Variants in ULK4 observed in about 807,000 individuals in gnomAD.
The protein encoded by ULK4 is inactive serine/threonine-protein kinase ULK4.
In ULK4, 133 loss-of-function variants were observed where a neutral mutation model predicts 160.6. The observed-to-expected ratio is 0.83, with a 90% confidence interval of 0.72 to 0.96. The LOEUF (loss-of-function observed/expected upper bound fraction) is 0.96. Among genes scored for constraint, ULK4 ranks in the 40% least tolerant of loss-of-function variants. The pLI, the probability that ULK4 is intolerant of heterozygous loss-of-function variation, is 0.00. For synonymous variants in ULK4, 534 were observed against 539.8 expected, an observed-to-expected ratio of 0.99 and a Z score of 0.15; for missense variants, 1,580 against 1,499.5, an observed-to-expected ratio of 1.05 and a Z score of -0.89.
chr3:41,291,333 AAAG>A (rs2125702907), intron 35 of ULK4, among the ~76,000 whole-genome samples: 1 of 151,218 alleles, frequency 6.6e-6, no homozygotes, highest in South Asian at 2.1e-4. Flanking sequence ...AAAGAAAGAG[AAAG>A]AAGGAAGGAA....
chr3:41,645,142 C>T (rs2034423522), intron 30 of ULK4, among the ~76,000 whole-genome samples: 1 of 151,934 alleles, frequency 6.6e-6, no homozygotes, highest in African/African-American at 2.4e-5. Flanking sequence ...TTCAAAAAAC[C>T]AGCTCCTGGA....
At position 41,583,984 on chromosome 3, in the gene ULK4, G is replaced by C. The variant is rs73830268; in HGVS notation, c.3121-17854C>G. Reference sequence around the variant, plus strand: ...TAAAGATTCTTTCCAAAACCTATTTGCTTCCAAAAAGTGTCATGATGAGAA... The same window carrying C: ...TAAAGATTCTTTCCAAAACCTATTTCCTTCCAAAAAGTGTCATGATGAGAA... On this transcript the variant is annotated intron_variant, in intron 31 of 36. Transcript: ENST00000301831. Among the ~76,000 whole-genome samples the C allele has an allele frequency of 3.3e-3, 509 of 152,290 alleles. 3 individuals are homozygous for C. The highest frequency in any genetic ancestry group is 0.012 in the African/African-American group (486 of 41,584).
chr3:41,704,307 G>A (rs2036789254), intron 27 of ULK4, among the ~76,000 whole-genome samples: 1 of 152,182 alleles, frequency 6.6e-6, no homozygotes, highest in Non-Finnish European at 1.5e-5. Flanking sequence ...CAGTGCTTCA[G>A]TGAGAGGGGC....
At chr3:41,580,285 C>T (rs116813887) in intron 31 of ULK4, among the ~76,000 whole-genome samples, 3,552 of 152,194 alleles carry the variant, frequency 0.023, 56 homozygotes, top group Non-Finnish European at 0.034. Context: ...CATCATTCTG[C>T]ACCATTCTGA....
At chr3:41,406,344 A>G (rs191652493) in intron 34 of ULK4, among the ~76,000 whole-genome samples, 166 of 152,354 alleles carry the variant, frequency 1.1e-3, no homozygotes, top group African/African-American at 3.9e-3. Context: ...TTTCTCTAAC[A>G]GTACCATGCT....
At chr3:41,705,502 C>T (rs940871992) in intron 25 of ULK4, among the ~76,000 whole-genome samples, 197 bp from the exon 26 acceptor site, 10 of 146,076 alleles carry the variant, frequency 6.8e-5, no homozygotes, top group African/African-American at 1.0e-4. Flanking sequence ...ACAATAATCT[C>T]TTTTTTTTTT....
intron 34 of ULK4, among the ~76,000 whole-genome samples, chr3:41,437,714 G>A (rs2083067970): frequency 6.6e-6 from 1 of 152,192 alleles, no homozygotes; most frequent in Non-Finnish European, 1.5e-5. Flanking sequence ...TGTCATCACT[G>A]ACTTGCCAGA....
At chr3:41,924,499 A>C (rs925235087) in intron 5 of ULK4, among the ~76,000 whole-genome samples, 1 of 152,192 alleles carries the variant, frequency 6.6e-6, no homozygotes, top group Non-Finnish European at 1.5e-5. Flanking sequence ...CACTGCTAGA[A>C]TGTCTGACCT....
chr3:41,848,428 C>A (rs28702390), intron 17 of ULK4, among the ~76,000 whole-genome samples: 27,754 of 152,144 alleles, frequency 0.18, 2,616 homozygotes, highest in Middle Eastern at 0.32. Flanking sequence ...CTTAACACCA[C>A]TCAACTTCCT....
Position 41,818,884 on chromosome 3 carries a change from G to T in ULK4, c.1848+539C>A, listed in dbSNP as rs571323937. Among the ~76,000 whole-genome samples the T allele has an allele frequency of 3.3e-5, 5 of 152,340 alleles. No homozygotes were observed. In the East Asian group the frequency reaches 9.6e-4, roughly 29 times the overall value. On this transcript the variant is annotated intron_variant, in intron 19 of 36. Coordinates refer to ENST00000301831, the MANE Select transcript of ULK4 (RefSeq NM_017886.4). ...GTGGGAGCTACATATAGATGAGCTG[G>T]TTGGTTGGCCAGCTGGCTGGCTTTC...
At chr3:41,938,040 A>T in intron 3 of ULK4, 58 bp downstream of exon 3, 1 of 1,314,180 alleles carries the variant, frequency 7.6e-7, no homozygotes. Flanking sequence ...AACAAAACTT[A>T]ACAGCATGTT....
chr3:41,955,167 G>A (rs1342974804), intron 1 of ULK4, among the ~76,000 whole-genome samples: 1 of 152,186 alleles, frequency 6.6e-6, no homozygotes, highest in East Asian at 1.9e-4. Flanking sequence ...ATGCGCGCCT[G>A]TAATCCCAGC....
At chr3:41,521,366 A>G (rs1442006394) in intron 32 of ULK4, among the ~76,000 whole-genome samples, 1 of 152,106 alleles carries the variant, frequency 6.6e-6, no homozygotes, top group Non-Finnish European at 1.5e-5. Flanking sequence ...TTCACTGATT[A>G]GACCTTATTT....
intron 4 of ULK4, among the ~76,000 whole-genome samples, chr3:41,934,062 A>T (rs533800200): frequency 9.9e-5 from 15 of 152,236 alleles, no homozygotes; most frequent in Admixed American, 2.0e-4. Context: ...TAAAATAAAA[A>T]AATTTTAAAA....
At chr3:41,550,774 G>A (rs368839069) in intron 32 of ULK4, among the ~76,000 whole-genome samples, 1 of 151,964 alleles carries the variant, frequency 6.6e-6, no homozygotes, top group Non-Finnish European at 1.5e-5. Context: ...CTGTATTTTA[G>A]ATCATATGGA....
intron 21 of ULK4, among the ~76,000 whole-genome samples, chr3:41,771,350 A>G (rs556772939): frequency 1.3e-5 from 2 of 152,214 alleles, no homozygotes; most frequent in East Asian, 1.9e-4. Context: ...AGGATGAAAT[A>G]AGAAAGAATA....
chr3:41,916,251 A>G (rs886777481), intron 7 of ULK4, among the ~76,000 whole-genome samples, 199 bp from the exon 8 acceptor site: 7 of 152,220 alleles, frequency 4.6e-5, no homozygotes, highest in Non-Finnish European at 4.4e-5. Flanking sequence ...ACAAAGATTA[A>G]AAACATTTTT....
chr3:41,250,475 G>C (rs1456571233), intron 35 of ULK4, among the ~76,000 whole-genome samples: 2 of 152,104 alleles, frequency 1.3e-5, no homozygotes, highest in African/African-American at 4.8e-5. Context: ...TTATTTATGA[G>C]GTAACCAAAG....
intron 17 of ULK4, among the ~76,000 whole-genome samples, chr3:41,880,933 A>G (rs912954297): frequency 6.6e-6 from 1 of 152,152 alleles, no homozygotes; most frequent in African/African-American, 2.4e-5. Flanking sequence ...AAAAAAATAA[A>G]TAAGTAAGTA....
Sources: gnomAD v4.1 joint callset for allele counts (sites outside exome capture counted in the v4.1 genomes callset) on GRCh38, gnomAD v4.1.1 for gene constraint, MANE v1.5 for transcripts, NCBI Gene and HGNC (gene_info 2026-07-23, HGNC 2026-07-21) for gene names.